The following TNFAIP2 variants were observed in gnomAD, a reference collection of about 807,000 sequenced individuals.
The protein encoded by TNFAIP2 is TNF alpha induced protein 2, also known as tumor necrosis factor alpha-induced protein 2.
Under a neutral mutation model 63.5 loss-of-function variants are expected in TNFAIP2, and 47 were observed. The observed-to-expected ratio is 0.74, with a 90% CI of 0.59 to 0.94. TNFAIP2 has a LOEUF of 0.94. Among genes scored for constraint, TNFAIP2 ranks in the 40% least tolerant of loss-of-function variants. The probability of loss-of-function intolerance (pLI) is 0.00; values close to 1 mark genes in which losing one functional copy is unlikely to be tolerated. For synonymous variants in TNFAIP2, 405 were observed against 390.2 expected, an observed-to-expected ratio of 1.04 and a Z score of -0.45; for missense variants, 787 against 850.2, an observed-to-expected ratio of 0.93 and a Z score of 0.92.
In TNFAIP2 at chr14:103,131,651, G is replaced by A. The variant is rs755395837; in HGVS notation, c.1311G>A (p.Glu437=). The A allele has an allele frequency of 1.9e-6, 3 of 1,596,716 alleles. No individual in the cohort carries two copies. Among genetic ancestry groups the A allele is most frequent in the African/African-American group, 2.7e-5 (2 of 74,718 alleles). The change falls in exon 8 of 12, where the codon GAG becomes GAA. Residue 437 remains glutamate, a synonymous_variant. Coordinates refer to ENST00000560869, the MANE Select transcript of TNFAIP2 (RefSeq NM_006291.4). The surrounding 1 kb of genome is among the most constrained non-coding windows in gnomAD (Gnocchi z 4.0). The part of the protein sequence containing the change: ...NNCLSFRMSM[E]QNWQVPQDTL... Reference sequence around the variant, plus strand: ...CTCCACCTTCCAGGATGTCCATGGAGCAGAATTGGCAGGTACCCCAGGACA... The same window carrying A: ...CTCCACCTTCCAGGATGTCCATGGAACAGAATTGGCAGGTACCCCAGGACA...
chr14:103,131,016 G>A lies in TNFAIP2; in HGVS notation c.1200-36G>A, dbSNP rs368427154. 682 of 1,607,670 alleles carry A rather than the reference G, an allele frequency of 4.2e-4. No homozygotes were observed. Among genetic ancestry groups the A allele is most frequent in the Admixed American group, 8.3e-4 (50 of 59,992 alleles). ...GCTGCTGCTGTGGTCCCAGTGTTTG[G>A]GCTGGTCCTGAATGTGCCCCTTCTG... On this transcript the variant is annotated intron_variant, in intron 6 of 11. Coordinates refer to ENST00000560869, the MANE Select transcript of TNFAIP2 (RefSeq NM_006291.4). This position sits in a 1 kb window ranked among gnomAD's most constrained non-coding sequence, Gnocchi z 4.0.
At chr14:103,128,814 C>A (rs990139899) in intron 3 of TNFAIP2, among the ~76,000 whole-genome samples, 1 of 152,218 alleles carries the variant, frequency 6.6e-6, no homozygotes, top group Non-Finnish European at 1.5e-5. Flanking sequence ...GCACCTGCAC[C>A]CCTGCCTGCC....
Position 103,127,385 on chromosome 14 carries a change from C to G in TNFAIP2, c.616C>G (p.Pro206Ala), listed in dbSNP as rs757679699. ...EAAEERMGQR[P>A]AAGAEVPESV... ...GGCCGAGGAGCGCATGGGCCAGCGG[C>G]CGGCCGCGGGCGCCGAGGTCCCCGA... is the stretch of plus-strand genomic sequence containing the variant. Residue 206 changes from proline to alanine, a missense_variant, in exon 3 of 12, where the codon CCG (proline) becomes GCG (alanine). Physicochemically the swap from Pro to Ala is conservative, Grantham distance 27. This residue lies in a region of TNFAIP2 where 523 missense variants were observed against 604.1 expected (regional missense o/e 0.87). Transcript: ENST00000560869. The surrounding 1 kb of genome is among the most constrained non-coding windows in gnomAD (Gnocchi z 5.1). The G allele has an allele frequency of 2.1e-5, 32 of 1,529,154 alleles. No homozygotes were observed. In the South Asian group the frequency reaches 3.7e-4, roughly 18 times the overall value. The allele number at this position is 1,529,154 out of a possible 1,614,324, so 94.7% of individuals were successfully genotyped here.
At position 103,130,302 on chromosome 14, in the gene TNFAIP2, C is replaced by G; in HGVS notation, c.1099-13C>G. ...GCGAGCCCCTGCTCAGCTCACCCAC[C>G]ACCACCCTGCAGATCACCTCCCAGG... On this transcript the variant is annotated splice_polypyrimidine_tract_variant and intron_variant, in intron 5 of 11. Transcript: ENST00000560869. The G allele has an allele frequency of 6.5e-7, 1 of 1,550,000 alleles. No homozygotes were observed. Among genetic ancestry groups the G allele is most frequent in the Non-Finnish European group, 8.7e-7 (1 of 1,145,976 alleles).
rs757979268 is a variant in TNFAIP2, at chr14:103,131,772, G to A, written c.1422+10G>A. ...GCATGAGGACCTGAAGGTAGCGGGA[G>A]CCTCTTGCCCTCAGGAGCCCAGTGT... On this transcript the variant is annotated intron_variant, in intron 8 of 11. Coordinates refer to ENST00000560869, the MANE Select transcript of TNFAIP2 (RefSeq NM_006291.4). This position sits in a 1 kb window ranked among gnomAD's most constrained non-coding sequence, Gnocchi z 4.0. 7.5e-6 allele frequency: 12 copies of A among 1,609,740 alleles called. No individual in the cohort carries two copies. Among genetic ancestry groups the A allele is most frequent in the Middle Eastern group, 3.5e-4 (2 of 5,720 alleles).
At position 103,135,129 on chromosome 14, in the gene TNFAIP2, C is replaced by A; in HGVS notation, c.1824-90C>A. On this transcript the variant is annotated intron_variant, in intron 11 of 11. Coordinates refer to ENST00000560869, the MANE Select transcript of TNFAIP2 (RefSeq NM_006291.4). This position sits in a 1 kb window ranked among gnomAD's most constrained non-coding sequence, Gnocchi z 7.6. ...CCCTCGTGGGCCGGGCGTTGGCTGT[C>A]GGGCCCTGTGGCACTGGCCGGGAGT... The A allele has an allele frequency of 1.3e-6, 2 of 1,552,724 alleles. No individual in the cohort carries two copies. Among genetic ancestry groups the A allele is most frequent in the Non-Finnish European group, 1.8e-6 (2 of 1,127,784 alleles).
intron 3 of TNFAIP2, 37 bp from the exon 4 acceptor site, chr14:103,129,703 G>T: frequency 6.3e-7 from 1 of 1,588,878 alleles, no homozygotes; most frequent in Non-Finnish European, 8.6e-7. Flanking sequence ...TGCTGATTTG[G>T]TATAGTTGTC....
chr14:103,125,633 G>A (rs2087837184), intron 1 of TNFAIP2, among the ~76,000 whole-genome samples: 3 of 152,218 alleles, frequency 2.0e-5, no homozygotes, highest in Admixed American at 2.0e-4. Flanking sequence ...AGGCCGCCCT[G>A]TGACTTGCTG....
In TNFAIP2 at chr14:103,131,928, T is replaced by C. The variant is rs549321731; in HGVS notation, c.1422+166T>C. Among the ~76,000 whole-genome samples the C allele has an allele frequency of 7.9e-5, 12 of 152,070 alleles. No individual in the cohort carries two copies. Among genetic ancestry groups the C allele is most frequent in the African/African-American group, 2.4e-4 (10 of 41,492 alleles). Reference sequence around the variant, plus strand: ...GCTCTGGTGCAGCGGTGATGCCCGGTTGGGGACCCTAGCAGGCTCTGAACT... The same window carrying C: ...GCTCTGGTGCAGCGGTGATGCCCGGCTGGGGACCCTAGCAGGCTCTGAACT... On this transcript the variant is annotated intron_variant, in intron 8 of 11. Coordinates refer to ENST00000560869, the MANE Select transcript of TNFAIP2 (RefSeq NM_006291.4). This position sits in a 1 kb window ranked among gnomAD's most constrained non-coding sequence, Gnocchi z 4.0.
chr14:103,123,467 G>T lies in TNFAIP2; in HGVS notation c.-633G>T, dbSNP rs900240378. 4 of 152,042 alleles carry T rather than the reference G, an allele frequency of 2.6e-5. No homozygotes were observed. Among genetic ancestry groups the T allele is most frequent in the African/African-American group, 9.7e-5 (4 of 41,368 alleles). 9.4% of individuals were successfully genotyped at this position (152,042 alleles called of 1,614,324 possible). On this transcript the variant is annotated 5_prime_UTR_variant, in exon 1 of 12. Transcript: ENST00000560869. ...GCGGAACCCGGGCCAGGACAGTGGCGGCCAGGCCGGGACACGGTAAGTGAC... is the reference window on the plus strand; with the variant it reads ...GCGGAACCCGGGCCAGGACAGTGGCTGCCAGGCCGGGACACGGTAAGTGAC...
In TNFAIP2 at chr14:103,135,785, G is replaced by A; in HGVS notation, c.*425G>A. The A allele has an allele frequency of 1.5e-6, 2 of 1,293,654 alleles. No individual in the cohort carries two copies. Among genetic ancestry groups the A allele is most frequent in the South Asian group, 2.5e-5 (2 of 80,592 alleles). 80.1% of individuals were successfully genotyped at this position (1,293,654 alleles called of 1,614,324 possible). A position where few individuals can be genotyped will look rare whatever the true frequency, so the allele number is the denominator to read the frequency against. ...TCAGCTCTCTGGAGACAGGGGCCGAGCCTCACCCATCTGCCCTCTGCAGCC... is the reference window on the plus strand; with the variant it reads ...TCAGCTCTCTGGAGACAGGGGCCGAACCTCACCCATCTGCCCTCTGCAGCC... On this transcript the variant is annotated 3_prime_UTR_variant, in exon 12 of 12. Coordinates refer to ENST00000560869, the MANE Select transcript of TNFAIP2 (RefSeq NM_006291.4). This position sits in a 1 kb window ranked among gnomAD's most constrained non-coding sequence, Gnocchi z 7.6.
At chr14:103,133,655 T>A (rs2139569040) in intron 10 of TNFAIP2, 27 bp from the exon 11 acceptor site, 2 of 1,550,384 alleles carry the variant, frequency 1.3e-6, no homozygotes, top group East Asian at 4.5e-5. Flanking sequence ...GACCCCTGGG[T>A]CCCTCCAACC....
chr14:103,128,922 CA>C (rs1254496177), intron 3 of TNFAIP2, among the ~76,000 whole-genome samples: 1 of 152,194 alleles, frequency 6.6e-6, no homozygotes, highest in African/African-American at 2.4e-5. Context: ...AGAGGGTGCC[CA>C]GGGGGGCATC....
chr14:103,132,352 C>A (rs535718197), intron 8 of TNFAIP2, among the ~76,000 whole-genome samples: 20 of 152,180 alleles, frequency 1.3e-4, no homozygotes, highest in Admixed American at 6.5e-4. Flanking sequence ...CAGGGACTAG[C>A]GGCCATGGGT....
At chr14:103,124,153 A>G (rs1477854280) in intron 1 of TNFAIP2, among the ~76,000 whole-genome samples, 2 of 152,156 alleles carry the variant, frequency 1.3e-5, no homozygotes, top group Admixed American at 1.3e-4. Context: ...GGACAGACTC[A>G]GGACACAGGA....
intron 4 of TNFAIP2, 71 bp downstream of exon 4, chr14:103,129,925 G>T (rs1377100220): frequency 3.1e-6 from 5 of 1,607,718 alleles, no homozygotes; most frequent in Non-Finnish European, 4.3e-6. Context: ...GACAGGACAT[G>T]GGCAGGGAGC....
In TNFAIP2 at chr14:103,135,115, C is replaced by T. The variant is rs983518611; in HGVS notation, c.1824-104C>T. The T allele has an allele frequency of 2.6e-5, 37 of 1,437,866 alleles. No homozygotes were observed. The highest frequency in any genetic ancestry group is 6.8e-5 in the Admixed American group (4 of 58,546). The allele number at this position is 1,437,866 out of a possible 1,614,324, so 89.1% of individuals were successfully genotyped here. A position where few individuals can be genotyped will look rare whatever the true frequency, so the allele number is the denominator to read the frequency against. ...AGTGAAGTGCAGCCCCCTCGTGGGC[C>T]GGGCGTTGGCTGTCGGGCCCTGTGG... On this transcript the variant is annotated intron_variant, in intron 11 of 11. Coordinates refer to ENST00000560869, the MANE Select transcript of TNFAIP2 (RefSeq NM_006291.4). The surrounding 1 kb of genome is among the most constrained non-coding windows in gnomAD (Gnocchi z 7.6).
In TNFAIP2 at chr14:103,125,291, T is replaced by C. The variant is rs576372672; in HGVS notation, c.-148-1019T>C. On this transcript the variant is annotated intron_variant, in intron 1 of 11. Transcript: ENST00000560869. ...ATGCTCTTCTCCAGTGGACCTGGCC[T>C]TGCTCTGACAATGGTCAGGTGCTGG... Among the ~76,000 whole-genome samples, 10 of 152,326 alleles carry C rather than the reference T, an allele frequency of 6.6e-5. No homozygotes were observed. In the South Asian group the frequency reaches 1.9e-3, roughly 28 times the overall value.
chr14:103,126,986 C>A lies in TNFAIP2; in HGVS notation c.236-19C>A. On this transcript the variant is annotated intron_variant, in intron 2 of 11. Coordinates refer to ENST00000560869, the MANE Select transcript of TNFAIP2 (RefSeq NM_006291.4). ...GGCGGTGGGCTGGGGCCGGGGCTGA[C>A]GCGGCTTTCCCGGCGCAGTGGAGGA... The A allele has an allele frequency of 8.1e-7, 1 of 1,227,784 alleles. No individual in the cohort carries two copies. The highest frequency in any genetic ancestry group is 1.0e-6 in the Non-Finnish European group (1 of 982,638). The allele number at this position is 1,227,784 out of a possible 1,614,324, so 76.1% of individuals were successfully genotyped here.
Sources: allele counts gnomAD v4.1 joint callset (sites outside exome capture counted in the v4.1 genomes callset), GRCh38; gene constraint gnomAD v4.1.1; regional missense constraint gnomAD v4.1.1; non-coding constraint Gnocchi (gnomAD v3.1); transcripts MANE v1.5; gene names NCBI Gene and HGNC (gene_info 2026-07-23, HGNC 2026-07-21).